GRIK4: variants seen among roughly 807,000 people sequenced by gnomAD.
GRIK4 encodes glutamate ionotropic receptor kainate type subunit 4, also known as glutamate receptor ionotropic, kainate 4.
In GRIK4, 40 loss-of-function variants were observed where a neutral mutation model predicts 104.9. The ratio of observed to expected loss-of-function variants is 0.38; its 90% CI spans 0.30 to 0.50. The LOEUF (loss-of-function observed/expected upper bound fraction) is 0.50, where lower values mean the gene tolerates loss of function less well. Ranked by LOEUF, GRIK4 falls within the 20% of genes least tolerant of loss-of-function variation. The probability of loss-of-function intolerance (pLI) is 0.93; values close to 1 mark genes in which losing one functional copy is unlikely to be tolerated. For missense variants in GRIK4, 1,047 were observed against 1,308.1 expected, an observed-to-expected ratio of 0.80 and a Z score of 3.08; for synonymous variants, 485 against 524.9, an observed-to-expected ratio of 0.92 and a Z score of 1.04.
chr11:120,912,186 G>A (rs1325980062), intron 13 of GRIK4, among the ~76,000 whole-genome samples: 3 of 152,172 alleles, frequency 2.0e-5, no homozygotes, highest in African/African-American at 4.8e-5. Flanking sequence ...TTGGACATAC[G>A]GGTGGTTGGT....
intron 12 of GRIK4, among the ~76,000 whole-genome samples, chr11:120,900,069 G>A (rs2156637): frequency 0.28 from 42,630 of 151,858 alleles, 8,499 homozygotes; most frequent in African/African-American, 0.55. Context: ...ACACACCTAG[G>A]ACTGTGGGGT....
chr11:120,803,847 G>T (rs763903662), intron 4 of GRIK4, among the ~76,000 whole-genome samples: 1 of 152,186 alleles, frequency 6.6e-6, no homozygotes, highest in Non-Finnish European at 1.5e-5. Flanking sequence ...CCTACTATGC[G>T]CTGGGTACTG....
chr11:120,566,533 G>A (rs143918731), intron 1 of GRIK4, among the ~76,000 whole-genome samples: 3 of 152,298 alleles, frequency 2.0e-5, no homozygotes, highest in African/African-American at 7.2e-5. Flanking sequence ...AGCATATGTG[G>A]CACATACTGT....
intron 12 of GRIK4, among the ~76,000 whole-genome samples, chr11:120,900,105 A>T (rs1942692012): frequency 6.6e-6 from 1 of 152,186 alleles, no homozygotes; most frequent in Non-Finnish European, 1.5e-5. Flanking sequence ...GTCCCCTCCC[A>T]TGGGGAGGTC....
chr11:120,564,064 G>C (rs926010738), intron 1 of GRIK4, among the ~76,000 whole-genome samples: 3 of 152,222 alleles, frequency 2.0e-5, no homozygotes, highest in African/African-American at 7.2e-5. Flanking sequence ...GGAAGTTGGG[G>C]TGGGGGAGGC....
chr11:120,580,368 C>T (rs960920321), intron 1 of GRIK4, among the ~76,000 whole-genome samples: 10 of 151,130 alleles, frequency 6.6e-5, no homozygotes, highest in African/African-American at 1.5e-4. Flanking sequence ...CTCCACCTCC[C>T]GGGTTCAAGT....
Position 120,766,716 on chromosome 11 carries a change from G to GC in GRIK4, c.83-35977_83-35976insC, listed in dbSNP as rs1282041130. On this transcript the variant is annotated intron_variant, in intron 3 of 20. Coordinates refer to ENST00000527524, the MANE Select transcript of GRIK4 (RefSeq NM_014619.5). Reference sequence around the variant, plus strand: ...CCTTGGCTAGGGGAGGTAGTTCTCTGACCCTTTGCACTTCCTGGGTGAGAC... The same window carrying GC: ...CCTTGGCTAGGGGAGGTAGTTCTCTGCACCCTTTGCACTTCCTGGGTGAGAC... Among the ~76,000 whole-genome samples, 3 of 151,946 alleles carry GC rather than the reference G, an allele frequency of 2.0e-5. No homozygotes were observed. The East Asian group carries it at 5.8e-4, about 30-fold the overall frequency.
intron 20 of GRIK4, 114 bp downstream of exon 20, chr11:120,982,338 A>T: frequency 1.4e-6 from 1 of 704,454 alleles, no homozygotes; most frequent in Admixed American, 2.1e-5. Flanking sequence ...AGCAAAGAGA[A>T]TCCCAGTGCC....
intron 19 of GRIK4, among the ~76,000 whole-genome samples, chr11:120,976,356 A>G (rs1944560702): frequency 6.6e-6 from 1 of 152,190 alleles, no homozygotes; most frequent in Non-Finnish European, 1.5e-5. Flanking sequence ...TGCTAGGTCT[A>G]GTCACCAGAT....
At chr11:120,768,275 T>C (rs1191123908) in intron 3 of GRIK4, among the ~76,000 whole-genome samples, 1 of 152,164 alleles carries the variant, frequency 6.6e-6, no homozygotes, top group Non-Finnish European at 1.5e-5. Context: ...CCTCCTTGAT[T>C]ACATTTATTC....
intron 3 of GRIK4, among the ~76,000 whole-genome samples, chr11:120,776,848 G>A (rs1952052777): frequency 6.6e-6 from 1 of 152,234 alleles, no homozygotes; most frequent in Non-Finnish European, 1.5e-5. Context: ...CAGCAGGGCA[G>A]CCGGCTCTCC....
intron 1 of GRIK4, among the ~76,000 whole-genome samples, chr11:120,601,703 TGA>T: frequency 6.7e-6 from 1 of 148,276 alleles, no homozygotes; most frequent in South Asian, 2.1e-4. Context: ...GGGGCTGAGA[TGA>T]GCAAAATAAA....
chr11:120,589,496 G>A (rs1005516273), intron 1 of GRIK4, among the ~76,000 whole-genome samples: 5 of 152,120 alleles, frequency 3.3e-5, no homozygotes, highest in Non-Finnish European at 7.4e-5. Flanking sequence ...GAACCTCCAC[G>A]CTGCTGGCCA....
chr11:120,984,164 A>T (rs2134808406), intron 20 of GRIK4, among the ~76,000 whole-genome samples: 1 of 152,366 alleles, frequency 6.6e-6, no homozygotes. Flanking sequence ...TAGTTAGAGC[A>T]GTCCCAATAG....
intron 1 of GRIK4, among the ~76,000 whole-genome samples, chr11:120,558,017 CAAAAAAAAAAA>C (rs59960959): frequency 5.1e-5 from 2 of 39,596 alleles, no homozygotes; most frequent in African/African-American, 7.2e-5. Context: ...GACTCCGTCT[CAAAAAAAAAAA>C]AAAAAAAAAA....
At chr11:120,917,734 A>G (rs1289624950) in intron 13 of GRIK4, among the ~76,000 whole-genome samples, 1 of 152,176 alleles carries the variant, frequency 6.6e-6, no homozygotes, top group Non-Finnish European at 1.5e-5. Context: ...TTTGGAGTTC[A>G]GTTAGGTTCA....
chr11:120,792,996 C>G (rs1428335564), intron 3 of GRIK4, among the ~76,000 whole-genome samples: 5 of 152,010 alleles, frequency 3.3e-5, no homozygotes, highest in South Asian at 4.2e-4. Context: ...TGAGGAGAAC[C>G]CTAGGAGAGT....
chr11:120,772,247 C>A (rs941471490), intron 3 of GRIK4, among the ~76,000 whole-genome samples: 1 of 152,104 alleles, frequency 6.6e-6, no homozygotes, highest in African/African-American at 2.4e-5. Context: ...ACAAAAAAAA[C>A]CTTAGAATGA....
chr11:120,539,210 T>C (rs947176325), intron 1 of GRIK4, among the ~76,000 whole-genome samples: 4 of 152,134 alleles, frequency 2.6e-5, no homozygotes, highest in African/African-American at 9.7e-5. Flanking sequence ...CTGGGTGGTT[T>C]TGGGGGGCCT....
Sources: gnomAD v4.1 joint callset for allele counts (sites outside exome capture counted in the v4.1 genomes callset) on GRCh38, gnomAD v4.1.1 for gene constraint, MANE v1.5 for transcripts, NCBI Gene and HGNC (gene_info 2026-07-23, HGNC 2026-07-21) for gene names.